The following SRGAP3 variants were observed in gnomAD, a reference collection of about 807,000 sequenced individuals.
SRGAP3 encodes the protein SLIT-ROBO Rho GTPase activating protein 3, also known as SLIT-ROBO Rho GTPase-activating protein 3.
SRGAP3 carries 39 observed loss-of-function variants against 121.1 expected under a neutral mutation model. The observed-to-expected ratio is 0.32, with a 90% CI of 0.25 to 0.42. The LOEUF (loss-of-function observed/expected upper bound fraction) is 0.42, where lower values mean the gene tolerates loss of function less well. SRGAP3 is among the 10% of genes least tolerant of loss of function. SRGAP3 has a pLI of 1.00. For synonymous variants in SRGAP3, 601 were observed against 570.0 expected (o/e 1.05, Z -0.77); for missense variants, 1,213 against 1,470.6 (o/e 0.82, Z 2.86).
In SRGAP3 at chr3:9,353,333, T is replaced by C. The variant is rs1000269441; in HGVS notation, n.214+9507A>G. Among the ~76,000 whole-genome samples, 6 of 152,374 alleles carry C rather than the reference T, an allele frequency of 3.9e-5. No individual in the cohort carries two copies. The East Asian group carries it at 1.2e-3, about 29-fold the overall frequency. On this transcript the variant is annotated intron_variant and non_coding_transcript_variant, in intron 1 of 3. Transcript: ENST00000490889. ...TGTTTTCTGTGCTTTGCAAAAGCAG[T>C]GTTTCAGCAGGAGGAACCACTAGGT... is the stretch of plus-strand genomic sequence containing the variant.
intron 3 of SRGAP3, among the ~76,000 whole-genome samples, chr3:9,266,035 T>C (rs1159849378): frequency 6.6e-6 from 1 of 152,152 alleles, no homozygotes; most frequent in Non-Finnish European, 1.5e-5. Context: ...CAGAATACTA[T>C]GCAGCCATAA....
intron 1 of SRGAP3, among the ~76,000 whole-genome samples, chr3:9,163,014 C>A (rs142788868): frequency 1.4e-4 from 22 of 152,280 alleles, no homozygotes; most frequent in Non-Finnish European, 2.4e-4. Flanking sequence ...CTTTCTGCAT[C>A]CATAAAAAGA....
intron 12 of SRGAP3, among the ~76,000 whole-genome samples, chr3:9,031,417 A>G (rs1405991629): frequency 6.6e-6 from 1 of 152,088 alleles, no homozygotes; most frequent in African/African-American, 2.4e-5. Flanking sequence ...TGATGCATCC[A>G]TGGGCCCTTC....
intron 20 of SRGAP3, 131 bp downstream of exon 20, chr3:8,992,775 G>A: frequency 6.5e-7 from 1 of 1,534,032 alleles, no homozygotes; most frequent in Non-Finnish European, 9.0e-7. Flanking sequence ...CGCCCAGTGT[G>A]CCCATTTCAT....
chr3:9,191,144 G>GGGA (rs778926524), intron 1 of SRGAP3, among the ~76,000 whole-genome samples: 65 of 152,272 alleles, frequency 4.3e-4, no homozygotes, highest in Non-Finnish European at 1.9e-4. Flanking sequence ...GCATAGGTGT[G>GGGA]GAGTCGCCCT....
Position 8,985,920 on chromosome 3 carries a change from T to A in SRGAP3, c.2899A>T (p.Thr967Ser). ...AACTCGTGCAGAGCCGTGCTCATGGTCTTCTCGATGTCCTGGGGACAGAGG... is the reference window on the plus strand; with the variant it reads ...AACTCGTGCAGAGCCGTGCTCATGGACTTCTCGATGTCCTGGGGACAGAGG... ...AEALAEDIEK[T>S]MSTALHELRE... is the part of the protein sequence containing the mutation. Residue 967 changes from threonine (T) to serine (S), a missense_variant, in exon 22 of 22, where the codon ACC becomes TCC. Coordinates refer to ENST00000383836, the MANE Select transcript of SRGAP3 (RefSeq NM_014850.4). The surrounding 1 kb of genome is among the most constrained non-coding windows in gnomAD (Gnocchi z 5.1). 1 of 1,599,622 alleles carries A rather than the reference T, an allele frequency of 6.3e-7. No individual in the cohort carries two copies. The highest frequency in any genetic ancestry group is 8.5e-7 in the Non-Finnish European group (1 of 1,179,920).
In SRGAP3 at chr3:9,222,140, T is replaced by C. The variant is rs528133652; in HGVS notation, c.67+26745A>G. On this transcript the variant is annotated intron_variant, in intron 1 of 21. Coordinates refer to ENST00000383836, the MANE Select transcript of SRGAP3 (RefSeq NM_014850.4). ...TTAGGGAGGAGGCATCACAGACAAA[T>C]GAGAGAGAGAATATGAGTGAGAGAG... 3.3e-5 allele frequency among the ~76,000 whole-genome samples: 5 copies of C among 152,148 alleles called. 1 individual carries two copies. The highest frequency in any genetic ancestry group is 1.2e-4 in the African/African-American group (5 of 41,534).
chr3:9,183,522 T>TAC (rs1173394626), intron 1 of SRGAP3, among the ~76,000 whole-genome samples: 3 of 151,992 alleles, frequency 2.0e-5, no homozygotes, highest in Non-Finnish European at 2.9e-5. Context: ...TAAAACATTG[T>TAC]ACACACACAC....
intron 12 of SRGAP3, among the ~76,000 whole-genome samples, chr3:9,030,100 C>T (rs967621514): frequency 7.9e-5 from 12 of 152,030 alleles, no homozygotes; most frequent in South Asian, 4.1e-4. Flanking sequence ...TGCAGTGAGC[C>T]GTGATTGTGC....
chr3:9,235,999 C>G (rs1034313655), intron 1 of SRGAP3: 4 of 158,876 alleles, frequency 2.5e-5, no homozygotes, highest in Non-Finnish European at 5.6e-5. Context: ...TCTTCAAGGT[C>G]AAAGACTTAC....
intron 3 of SRGAP3, among the ~76,000 whole-genome samples, chr3:9,298,766 T>C (rs1463364432): frequency 6.6e-6 from 1 of 152,000 alleles, no homozygotes; most frequent in African/African-American, 2.4e-5. Context: ...TGAAAAAACA[T>C]TAAGGCCAGG....
chr3:9,168,834 G>A (rs1353050128), intron 1 of SRGAP3, among the ~76,000 whole-genome samples: 1 of 152,254 alleles, frequency 6.6e-6, no homozygotes. Flanking sequence ...CTGGCACAGA[G>A]TGGCAACATG....
At chr3:9,136,505 G>A (rs1470158522) in intron 1 of SRGAP3, among the ~76,000 whole-genome samples, 1 of 151,756 alleles carries the variant, frequency 6.6e-6, no homozygotes, top group Admixed American at 6.6e-5. Context: ...TCGCAGACGC[G>A]AGCAAGCTCC....
upstream of SRGAP3, among the ~76,000 whole-genome samples, chr3:9,250,706 G>A (rs968389302): frequency 7.9e-5 from 12 of 152,008 alleles, no homozygotes; most frequent in Non-Finnish European, 1.5e-4. Context: ...TAACAACATA[G>A]GTATAAGCAC....
At chr3:9,355,553 T>G (rs1273861976) in intron 1 of SRGAP3, among the ~76,000 whole-genome samples, 4 of 152,218 alleles carry the variant, frequency 2.6e-5, no homozygotes, top group Non-Finnish European at 1.5e-5. Flanking sequence ...CTCCTGGCTA[T>G]CTAAATAGCT....
intron 11 of SRGAP3, 135 bp downstream of exon 11, chr3:9,037,928 C>T: frequency 8.3e-7 from 1 of 1,198,490 alleles, no homozygotes; most frequent in Non-Finnish European, 1.2e-6. Flanking sequence ...CACCTGGGCA[C>T]ACCCACACCG....
intron 1 of SRGAP3, among the ~76,000 whole-genome samples, chr3:9,177,987 G>A (rs143415534): frequency 1.3e-3 from 195 of 152,316 alleles, no homozygotes; most frequent in African/African-American, 4.3e-3. Flanking sequence ...TAAGCCTGGG[G>A]CTGGGCGTGG....
At chr3:9,253,502 T>A (rs1005368044), upstream of SRGAP3, among the ~76,000 whole-genome samples, 1 of 152,198 alleles carries the variant, frequency 6.6e-6, no homozygotes, top group African/African-American at 2.4e-5. Flanking sequence ...AAAGGCTTCA[T>A]CTGAAGGAAA....
intron 1 of SRGAP3, among the ~76,000 whole-genome samples, chr3:9,147,819 T>G (rs1351861078): frequency 6.6e-6 from 1 of 152,130 alleles, no homozygotes; most frequent in Non-Finnish European, 1.5e-5. Flanking sequence ...ATGCAGCCTG[T>G]GCCAGAGCCA....
Sources: gnomAD v4.1 joint callset for allele counts (sites outside exome capture counted in the v4.1 genomes callset) on GRCh38, gnomAD v4.1.1 for gene constraint, Gnocchi (gnomAD v3.1) non-coding constraint, MANE v1.5 for transcripts, NCBI Gene and HGNC (gene_info 2026-07-23, HGNC 2026-07-21) for gene names.